Variants in TFB1M observed in about 807,000 individuals in gnomAD.
TFB1M encodes dimethyladenosine transferase 1, mitochondrial.
Under a neutral mutation model 31.1 loss-of-function variants are expected in TFB1M, and 27 were observed. That is an observed-to-expected ratio of 0.87 (90% CI 0.64 to 1.20). The LOEUF is 1.20. Ranked by LOEUF, TFB1M falls within the 50% of genes most tolerant of loss-of-function variation. The probability of loss-of-function intolerance (pLI) is 0.00; values close to 1 mark genes in which losing one functional copy is unlikely to be tolerated. For missense variants in TFB1M, 394 were observed against 418.7 expected, an observed-to-expected ratio of 0.94 and a Z score of 0.51; for synonymous variants, 166 against 151.8, an observed-to-expected ratio of 1.09 and a Z score of -0.69.
the TFB1M span, chr6:155,245,608 C>A: frequency 6.2e-7 from 1 of 1,603,802 alleles, no homozygotes; most frequent in Admixed American, 1.7e-5. Flanking sequence ...TTGACTTTCC[C>A]CTCTGCCCTT....
chr6:155,232,932 C>T, the TFB1M span: 1 of 152,194 alleles, frequency 6.6e-6, no homozygotes, highest in African/African-American at 2.4e-5. Flanking sequence ...CACATTACCC[C>T]AAATTACGCA....
intron 4 of TFB1M, among the ~76,000 whole-genome samples, chr6:155,289,073 T>C (rs1296300879): frequency 6.6e-6 from 1 of 152,064 alleles, no homozygotes; most frequent in Non-Finnish European, 1.5e-5. Context: ...GGTTTTTTTT[T>C]TCTTATTAAT....
the TFB1M span, chr6:155,247,872 G>C: frequency 4.2e-6 from 5 of 1,202,994 alleles, no homozygotes; most frequent in African/African-American, 7.6e-5. Context: ...TGATGTGTTG[G>C]GGTTTTCATT....
intron 5 of TFB1M, among the ~76,000 whole-genome samples, chr6:155,262,983 G>A (rs1471814108): frequency 6.6e-6 from 1 of 152,188 alleles, no homozygotes; most frequent in Non-Finnish European, 1.5e-5. Flanking sequence ...ACGGCTAAAA[G>A]AGAATTCCCC....
At chr6:155,291,497 C>T (rs1293386874) in intron 4 of TFB1M, among the ~76,000 whole-genome samples, 2 of 152,172 alleles carry the variant, frequency 1.3e-5, no homozygotes, top group African/African-American at 4.8e-5. Flanking sequence ...TCTCAGGGTT[C>T]CTAACAAACA....
At chr6:155,260,152 A>T in intron 6 of TFB1M, 121 bp downstream of exon 6, 1 of 1,146,090 alleles carries the variant, frequency 8.7e-7, no homozygotes, top group Non-Finnish European at 1.3e-6. Flanking sequence ...TGTCCGTCAC[A>T]GGCCTGAACT....
chr6:155,276,071 T>A lies in TFB1M; in HGVS notation c.666+9087A>T, dbSNP rs116763699. 6.9e-4 allele frequency: 1,107 copies of A among 1,614,188 alleles called. 8 individuals are homozygous for A. The African/African-American group carries it at 0.013, about 20-fold the overall frequency. On this transcript the variant is annotated intron_variant, in intron 5 of 6. Transcript: ENST00000367166. Reference sequence around the variant, plus strand: ...GGACAGAGAAACCAAGAGCCATGCTTCCTTTGCTGGAGGAGTCTGTTTCAT... The same window carrying A: ...GGACAGAGAAACCAAGAGCCATGCTACCTTTGCTGGAGGAGTCTGTTTCAT...
intron 4 of TFB1M, among the ~76,000 whole-genome samples, chr6:155,290,594 A>G (rs897094754): frequency 1.1e-4 from 17 of 152,046 alleles, no homozygotes; most frequent in Non-Finnish European, 2.1e-4. Context: ...TTTGTTAAAG[A>G]AAAAGAATTG....
chr6:155,240,874 T>A, the TFB1M span, among the ~76,000 whole-genome samples: 1 of 151,248 alleles, frequency 6.6e-6, no homozygotes, highest in African/African-American at 2.4e-5. Flanking sequence ...AGGGGAAGAG[T>A]GAGAGGGTGG....
At chr6:155,289,431 T>C (rs968338594) in intron 4 of TFB1M, among the ~76,000 whole-genome samples, 2 of 152,214 alleles carry the variant, frequency 1.3e-5, no homozygotes, top group African/African-American at 4.8e-5. Flanking sequence ...TCATCATTTA[T>C]ATTAATAAAA....
In TFB1M at chr6:155,260,365, T is replaced by A; in HGVS notation, c.702A>T (p.Ile234=). 1 of 1,614,216 alleles carries A rather than the reference T, an allele frequency of 6.2e-7. No homozygotes were observed. Among genetic ancestry groups the A allele is most frequent in the Non-Finnish European group, 8.5e-7 (1 of 1,180,032 alleles). The change falls in exon 6 of 7, where the codon ATA becomes ATT. Residue 234 remains isoleucine (I), a synonymous_variant. Coordinates refer to ENST00000367166, the MANE Select transcript of TFB1M (RefSeq NM_016020.4). The part of the protein sequence containing the change: ...DVGVVHFTPL[I]QPKIEQPFKL... ...TGAATGGCTGCTCTATCTTGGGCTG[T>A]ATCAAGGGAGTGAAGTGCACCACGC...
rs1278637219 is a variant in TFB1M, at chr6:155,285,146, G to A, written c.666+12C>T. On this transcript the variant is annotated intron_variant, in intron 5 of 6. Transcript: ENST00000367166. The stretch of plus-strand genomic sequence containing the variant: ...AATTCCGATATACTACAACAAATAA[G>A]CAGAAACTTACCTCTGGTTTGGGGA... 1 of 1,613,676 alleles carries A rather than the reference G, an allele frequency of 6.2e-7. No homozygotes were observed. Among genetic ancestry groups the A allele is most frequent in the Admixed American group, 1.7e-5 (1 of 60,000 alleles).
At chr6:155,262,288 G>C (rs1005411480) in intron 5 of TFB1M, among the ~76,000 whole-genome samples, 3 of 152,176 alleles carry the variant, frequency 2.0e-5, no homozygotes, top group Admixed American at 1.3e-4. Flanking sequence ...ACACTCCACT[G>C]ACTTCAGATG....
intron 2 of TFB1M, among the ~76,000 whole-genome samples, chr6:155,310,057 C>T (rs917126385): frequency 6.6e-6 from 1 of 152,108 alleles, no homozygotes; most frequent in Non-Finnish European, 1.5e-5. Flanking sequence ...AAATCAGATA[C>T]ATGCACACAA....
chr6:155,276,191 C>CAAAA (rs1225053921), intron 5 of TFB1M: 1 of 1,614,000 alleles, frequency 6.2e-7, no homozygotes, highest in Non-Finnish European at 8.5e-7. Flanking sequence ...AAGCAACAAA[C>CAAAA]ATGAACCTGG....
intron 5 of TFB1M, among the ~76,000 whole-genome samples, chr6:155,269,056 T>C (rs1180076181): frequency 1.3e-5 from 2 of 149,600 alleles, no homozygotes; most frequent in Non-Finnish European, 3.0e-5. Context: ...CAACCCACAG[T>C]GGACTTTGCA....
At chr6:155,304,130 A>C (rs1436521516) in intron 2 of TFB1M, among the ~76,000 whole-genome samples, 1 of 152,044 alleles carries the variant, frequency 6.6e-6, no homozygotes. Flanking sequence ...AAAATACAAA[A>C]AATTAGCTGG....
chr6:155,271,456 T>C (rs1396531878), intron 5 of TFB1M, among the ~76,000 whole-genome samples: 2 of 152,208 alleles, frequency 1.3e-5, no homozygotes, highest in African/African-American at 4.8e-5. Context: ...ACAAGAAAAC[T>C]CAGGGCACCA....
chr6:155,246,945 G>A, the TFB1M span, among the ~76,000 whole-genome samples: 3 of 152,254 alleles, frequency 2.0e-5, no homozygotes, highest in African/African-American at 4.8e-5. Context: ...TGGAATCCAA[G>A]TAGCACTGGT....
Sources: gnomAD v4.1 joint callset for allele counts (sites outside exome capture counted in the v4.1 genomes callset) on GRCh38, gnomAD v4.1.1 for gene constraint, MANE v1.5 for transcripts, NCBI Gene and HGNC (gene_info 2026-07-23, HGNC 2026-07-21) for gene names.